The following TMPRSS7 variants were observed in gnomAD, a reference collection of about 807,000 sequenced individuals.
TMPRSS7 encodes transmembrane protease serine 7.
In TMPRSS7, 81 loss-of-function variants were observed where a neutral mutation model predicts 95.6. That is an observed-to-expected ratio of 0.85 (90% confidence interval 0.71 to 1.02). TMPRSS7 has a LOEUF of 1.02. TMPRSS7 is among the 50% of genes least tolerant of loss of function. The probability of loss-of-function intolerance (pLI) is 0.00; values close to 1 mark genes in which losing one functional copy is unlikely to be tolerated. For missense variants in TMPRSS7, 945 were observed against 955.2 expected (o/e 0.99, Z 0.14); for synonymous variants, 364 against 337.8 (o/e 1.08, Z -0.85).
exon 14 of TMPRSS7, chr3:112,074,383 G>T (rs1240622527): frequency 6.2e-7 from 1 of 1,613,586 alleles, no homozygotes; most frequent in Non-Finnish European, 8.5e-7. Flanking sequence ...ACAGTGGATT[G>T]TCCAGATGGA....
At chr3:112,056,350 T>C (rs1374663562) in intron 9 of TMPRSS7, among the ~76,000 whole-genome samples, 1 of 152,206 alleles carries the variant, frequency 6.6e-6, no homozygotes, top group Non-Finnish European at 1.5e-5. Context: ...CTCTTAAATA[T>C]AAAAATTCCT....
chr3:112,040,309 C>G (rs1475300637), intron 2 of TMPRSS7, among the ~76,000 whole-genome samples: 2 of 152,186 alleles, frequency 1.3e-5, no homozygotes, highest in Non-Finnish European at 2.9e-5. Flanking sequence ...TCAGAAAGTT[C>G]AGAGTTCAGT....
intron 16 of TMPRSS7, 32 bp downstream of exon 16, chr3:112,077,176 C>G (rs539642977): frequency 2.5e-6 from 4 of 1,604,742 alleles, no homozygotes; most frequent in Non-Finnish European, 3.4e-6. Flanking sequence ...CATGCCCTTC[C>G]CCTGCAGAGG....
chr3:112,065,516 G>T (rs545708907), intron 12 of TMPRSS7, among the ~76,000 whole-genome samples: 14 of 152,182 alleles, frequency 9.2e-5, no homozygotes, highest in Admixed American at 6.5e-4. Flanking sequence ...AAACAAAAAT[G>T]ATTATTGTTA....
chr3:112,078,752 C>T (rs996282153), exon 17 of TMPRSS7: 1 of 1,614,152 alleles, frequency 6.2e-7, no homozygotes. Flanking sequence ...ATAATAAAGG[C>T]TCCCTCGTTC....
At chr3:112,062,159 T>C (rs1023651987) in intron 11 of TMPRSS7, among the ~76,000 whole-genome samples, 8 of 152,026 alleles carry the variant, frequency 5.3e-5, no homozygotes, top group African/African-American at 1.7e-4. Context: ...AATATAACTT[T>C]TTAATATTAC....
At chr3:112,034,892 A>G in exon 1 of TMPRSS7, 1 of 702,966 alleles carries the variant, frequency 1.4e-6, no homozygotes, top group South Asian at 1.5e-5. Context: ...GCTGACCTGA[A>G]AGTAAGTACA....
intron 3 of TMPRSS7, chr3:112,043,203 G>A (rs1398602400): frequency 2.3e-6 from 1 of 430,806 alleles, no homozygotes; most frequent in East Asian, 7.1e-5. Flanking sequence ...AGGCTAGATG[G>A]TATAGCCTAC....
chr3:112,063,555 C>T (rs867837256), exon 12 of TMPRSS7: 7 of 1,613,864 alleles, frequency 4.3e-6, no homozygotes, highest in Non-Finnish European at 5.9e-6. Flanking sequence ...AGATGCTCCT[C>T]CGGTTTATGT....
intron 1 of TMPRSS7, among the ~76,000 whole-genome samples, chr3:112,037,675 G>A (rs546416721): frequency 6.6e-6 from 1 of 152,206 alleles, no homozygotes; most frequent in East Asian, 1.9e-4. Context: ...TGGCTGAGGG[G>A]GCATCATGGA....
intron 3 of TMPRSS7, among the ~76,000 whole-genome samples, chr3:112,042,821 T>C (rs1329466609): frequency 2.6e-5 from 4 of 152,164 alleles, no homozygotes; most frequent in Non-Finnish European, 5.9e-5. Flanking sequence ...CCTTAGGTGG[T>C]TTCCTAAAAG....
At chr3:112,066,337 G>C (rs894154712) in intron 12 of TMPRSS7, 55 bp from the exon 13 acceptor site, 104 of 1,503,976 alleles carry the variant, frequency 6.9e-5, no homozygotes, top group Middle Eastern at 3.4e-4. Flanking sequence ...GATCATCAGA[G>C]AACCCAGCTG....
intron 7 of TMPRSS7, among the ~76,000 whole-genome samples, chr3:112,049,536 C>G (rs184688962): frequency 2.0e-5 from 3 of 152,306 alleles, no homozygotes; most frequent in Admixed American, 1.3e-4. Context: ...TTCCTTAGAG[C>G]AGAGTCCAGG....
In TMPRSS7 at chr3:112,052,940, C is replaced by T. The variant is rs183304251; in HGVS notation, c.1203+2157C>T. On this transcript the variant is annotated intron_variant, in intron 9 of 17. Transcript: ENST00000452346. The stretch of plus-strand genomic sequence containing the variant: ...AATGCTGAAGAAAAAAAAAAAAAGT[C>T]TTTAGAAGGAAAAGGACATCCCAGT... Among the ~76,000 whole-genome samples the T allele has an allele frequency of 1.8e-4, 27 of 150,292 alleles. No homozygotes were observed. The East Asian group carries it at 3.9e-3, about 22-fold the overall frequency.
chr3:112,046,619 C>T (rs2073282603), intron 5 of TMPRSS7, among the ~76,000 whole-genome samples: 1 of 152,134 alleles, frequency 6.6e-6, no homozygotes, highest in Non-Finnish European at 1.5e-5. Flanking sequence ...TTCTGTATCT[C>T]ATGTACTATT....
chr3:112,035,099 C>T (rs2073141734), intron 1 of TMPRSS7, among the ~76,000 whole-genome samples: 2 of 151,978 alleles, frequency 1.3e-5, no homozygotes, highest in Non-Finnish European at 2.9e-5. Context: ...TTTTCTAAAA[C>T]TCCAGGGAAA....
chr3:112,057,656 T>C (rs1173506439), intron 10 of TMPRSS7, among the ~76,000 whole-genome samples: 3 of 152,246 alleles, frequency 2.0e-5, no homozygotes, highest in Non-Finnish European at 4.4e-5. Flanking sequence ...TTATTGTTGT[T>C]GATTTCCTTC....
exon 12 of TMPRSS7, chr3:112,063,615 G>A (rs370040070): frequency 6.2e-7 from 1 of 1,614,004 alleles, no homozygotes; most frequent in Non-Finnish European, 8.5e-7. Context: ...TTTGATGAAA[G>A]TGATGAACTG....
At chr3:112,045,796 G>T (rs1292411768) in exon 5 of TMPRSS7, 1 of 1,551,192 alleles carries the variant, frequency 6.4e-7, no homozygotes, top group African/African-American at 1.4e-5. Context: ...GATTGTTTTT[G>T]TCATGCCACG....
Sources: gnomAD v4.1 joint callset for allele counts (sites outside exome capture counted in the v4.1 genomes callset) on GRCh38, gnomAD v4.1.1 for gene constraint, MANE v1.5 for transcripts, NCBI Gene and HGNC (gene_info 2026-07-23, HGNC 2026-07-21) for gene names.